SNX20: variants seen among roughly 807,000 people sequenced by gnomAD.
SNX20 encodes the protein sorting nexin 20.
In SNX20, 21 loss-of-function variants were observed where a neutral mutation model predicts 24.5. The observed-to-expected ratio is 0.86, with a 90% CI of 0.61 to 1.23. SNX20 has a LOEUF of 1.23. Ranked by LOEUF, SNX20 falls within the 50% of genes most tolerant of loss-of-function variation. SNX20 has a pLI of 0.00. For synonymous variants in SNX20, 206 were observed against 192.8 expected, an observed-to-expected ratio of 1.07 and a Z score of -0.57; for missense variants, 433 against 430.8, an observed-to-expected ratio of 1.00 and a Z score of -0.04.
downstream of SNX20, chr16:50,667,927 A>T: frequency 7.7e-7 from 1 of 1,303,610 alleles, no homozygotes; most frequent in South Asian, 1.3e-5. Context: ...CAACAGCTAG[A>T]TGGGTAGGGG....
At chr16:50,679,689 C>T (rs765878509) in intron 1 of SNX20, among the ~76,000 whole-genome samples, 1 of 152,216 alleles carries the variant, frequency 6.6e-6, no homozygotes, top group Non-Finnish European at 1.5e-5. Flanking sequence ...AGTTTCCCTA[C>T]CTGATAAATG....
At chr16:50,668,827 G>A (rs988868719), downstream of SNX20, 13 of 1,295,668 alleles carry the variant, frequency 1.0e-5, no homozygotes, top group Middle Eastern at 5.8e-4. Context: ...TCCAGCTATG[G>A]GGACAGCCAC....
At chr16:50,676,182 G>A (rs954901265) in intron 2 of SNX20, among the ~76,000 whole-genome samples, 3 of 151,714 alleles carry the variant, frequency 2.0e-5, no homozygotes, top group Non-Finnish European at 4.4e-5. Flanking sequence ...TTTGGAATGC[G>A]GTGCGGGCAC....
rs1271035868 is a variant in SNX20, at chr16:50,672,333, G to C, written c.*1073C>G. The stretch of plus-strand genomic sequence containing the variant: ...GCCATTCAGGGAACAGCTGCCTTAT[G>C]AATGAAAATCCACCCCTAGACAATG... On this transcript the variant is annotated 3_prime_UTR_variant, in exon 4 of 4. Coordinates refer to ENST00000330943, the MANE Select transcript of SNX20 (RefSeq NM_182854.4). The C allele has an allele frequency of 6.6e-6, 1 of 152,238 alleles. No homozygotes were observed. Among genetic ancestry groups the C allele is most frequent in the Non-Finnish European group, 1.5e-5 (1 of 68,056 alleles). 9.4% of individuals were successfully genotyped at this position (152,238 alleles called of 1,614,324 possible).
chr16:50,673,235 A>T lies in SNX20; in HGVS notation c.*171T>A. On this transcript the variant is annotated 3_prime_UTR_variant, in exon 4 of 4. Transcript: ENST00000330943. This position sits in a 1 kb window ranked among gnomAD's most constrained non-coding sequence, Gnocchi z 4.1. ...AGGATTGCTTGTGCCCAGGAGTTTG[A>T]GGCTGCAGTGAGACATAATTGAGCC... 1 of 1,159,848 alleles carries T rather than the reference A, an allele frequency of 8.6e-7. No homozygotes were observed. The allele number at this position is 1,159,848 out of a possible 1,614,324, so 71.8% of individuals were successfully genotyped here.
Position 50,672,651 on chromosome 16 carries a change from T to C in SNX20, c.*755A>G, listed in dbSNP as rs983284613. 2.0e-5 allele frequency: 3 copies of C among 152,048 alleles called. No individual in the cohort carries two copies. Among genetic ancestry groups the C allele is most frequent in the African/African-American group, 7.3e-5 (3 of 41,368 alleles). The allele number at this position is 152,048 out of a possible 1,614,324, so 9.4% of individuals were successfully genotyped here. Reference sequence around the variant, plus strand: ...ATAGTATTAGGATAATGGATGGAAATATTTTAAAGCAATTCCAAGGTGGAA... The same window carrying C: ...ATAGTATTAGGATAATGGATGGAAACATTTTAAAGCAATTCCAAGGTGGAA... On this transcript the variant is annotated 3_prime_UTR_variant, in exon 4 of 4. Coordinates refer to ENST00000330943, the MANE Select transcript of SNX20 (RefSeq NM_182854.4).
chr16:50,679,899 G>C (rs1963260847), intron 1 of SNX20, among the ~76,000 whole-genome samples: 1 of 152,214 alleles, frequency 6.6e-6, no homozygotes, highest in Non-Finnish European at 1.5e-5. Context: ...AGGGGCCCCA[G>C]CCTTTGCAGA....
At chr16:50,666,350 CTA>C (rs1230959291) in exon 4 of SNX20, 1 of 152,256 alleles carries the variant, frequency 6.6e-6, no homozygotes, top group East Asian at 1.9e-4. Context: ...TTTTTGTCAA[CTA>C]AAAAAATAAA....
intron 3 of SNX20, among the ~76,000 whole-genome samples, chr16:50,674,596 C>G (rs368059198): frequency 6.6e-6 from 1 of 152,144 alleles, no homozygotes; most frequent in African/African-American, 2.4e-5. Flanking sequence ...AACCCTGGAA[C>G]AACAACACAG....
downstream of SNX20, chr16:50,669,067 A>C (rs777338917): frequency 1.9e-6 from 3 of 1,551,724 alleles, no homozygotes; most frequent in Non-Finnish European, 2.6e-6. Context: ...TGACGTGGAC[A>C]TCTCGGGTCT....
Position 50,673,517 on chromosome 16 carries a change from C to G in SNX20, c.840G>C (p.Leu280=), listed in dbSNP as rs1164136257. 1 of 1,610,386 alleles carries G rather than the reference C, an allele frequency of 6.2e-7. No homozygotes were observed. The highest frequency in any genetic ancestry group is 1.1e-5 in the South Asian group (1 of 90,792). ...LDAMVRLAYA[L]GKDFVTLQER... ...CCTGCAGAGTCACGAAGTCCTTGCCCAGCGCGTAGGCCAGGCGGACCATGG... is the reference window on the plus strand; with the variant it reads ...CCTGCAGAGTCACGAAGTCCTTGCCGAGCGCGTAGGCCAGGCGGACCATGG... The change falls in exon 4 of 4, where the codon CTG becomes CTC. Residue 280 remains leucine (L), a synonymous_variant. Transcript: ENST00000330943. The surrounding 1 kb of genome is among the most constrained non-coding windows in gnomAD (Gnocchi z 4.1).
chr16:50,676,034 A>G, intron 2 of SNX20, 113 bp from the exon 3 acceptor site: 1 of 1,159,168 alleles, frequency 8.6e-7, no homozygotes, highest in South Asian at 1.8e-5. Flanking sequence ...CCTGAAGAGT[A>G]TTGAATATCC....
downstream of SNX20, chr16:50,669,153 A>T (rs1962982763): frequency 8.3e-7 from 1 of 1,200,370 alleles, no homozygotes; most frequent in African/African-American, 1.5e-5. Context: ...CCCCATCTGT[A>T]AACAGAGGTG....
At chr16:50,666,395 A>C (rs921724834) in exon 4 of SNX20, 9 of 152,404 alleles carry the variant, frequency 5.9e-5, no homozygotes, top group African/African-American at 2.2e-4. Flanking sequence ...TCTATGATTC[A>C]GAAATGCCAC....
At chr16:50,666,331 T>C (rs963213926) in exon 4 of SNX20, 1 of 152,336 alleles carries the variant, frequency 6.6e-6, no homozygotes, top group African/African-American at 2.4e-5. Context: ...TTATGATTCA[T>C]AAATACAGTT....
At chr16:50,668,942 C>T, downstream of SNX20, 1 of 1,506,206 alleles carries the variant, frequency 6.6e-7, no homozygotes, top group Admixed American at 2.1e-5. Context: ...GCGGCCCTGC[C>T]CAGGCCTCAG....
At chr16:50,669,101 G>A (rs1308498257), downstream of SNX20, 1 of 1,534,768 alleles carries the variant, frequency 6.5e-7, no homozygotes. Context: ...TCCCTGTCTC[G>A]CCACGTGACC....
At chr16:50,669,761 C>T (rs1963000195), downstream of SNX20, 1 of 152,250 alleles carries the variant, frequency 6.6e-6, no homozygotes, top group African/African-American at 2.4e-5. Flanking sequence ...ACTTAACCCC[C>T]TCAGGTTACA....
chr16:50,675,667 G>T, intron 3 of SNX20, 103 bp downstream of exon 3: 1 of 1,437,662 alleles, frequency 7.0e-7, no homozygotes, highest in South Asian at 1.3e-5. Context: ...TTAGTGTGTT[G>T]ACCCATTTCA....
Sources: allele counts gnomAD v4.1 joint callset (sites outside exome capture counted in the v4.1 genomes callset), GRCh38; gene constraint gnomAD v4.1.1; non-coding constraint Gnocchi (gnomAD v3.1); transcripts MANE v1.5; gene names NCBI Gene and HGNC (gene_info 2026-07-23, HGNC 2026-07-21).